METTL25B: variants seen among roughly 807,000 people sequenced by gnomAD.
METTL25B encodes the protein methyltransferase-like protein 25B.
A neutral mutation model predicts 48.4 loss-of-function variants in METTL25B; 38 were observed. That is an observed-to-expected ratio of 0.78 (90% CI 0.61 to 1.03). The LOEUF is 1.03. Ranked by LOEUF, METTL25B falls within the 50% of genes least tolerant of loss-of-function variation. The pLI is 0.00. For synonymous variants in METTL25B, 230 were observed against 254.5 expected (o/e 0.90, Z 0.92); for missense variants, 537 against 603.7 (o/e 0.89, Z 1.16).
chr1:156,728,519 C>G lies in METTL25B; in HGVS notation c.-586C>G, dbSNP rs1014450471. 5 of 985,464 alleles carry G rather than the reference C, an allele frequency of 5.1e-6. No individual in the cohort carries two copies. In the South Asian group the frequency reaches 1.9e-4, roughly 37 times the overall value. 61.0% of individuals were successfully genotyped at this position (985,464 alleles called of 1,614,324 possible). On this transcript the variant is annotated 5_prime_UTR_variant, in exon 1 of 8. Coordinates refer to ENST00000368216, the MANE Select transcript of METTL25B (RefSeq NM_015997.4). ...GGCAGGCGCGCGGGTTAGAACGCGC[C>G]AGAGGTCGGCGCGCGCACACCCGCA...
At chr1:156,736,270 G>T in intron 7 of METTL25B, 1 of 252,918 alleles carries the variant, frequency 4.0e-6, no homozygotes, top group South Asian at 7.3e-5. Context: ...TGAGGCAAAA[G>T]AATTGCTTGA....
rs1648951362 is a variant in METTL25B at position 156,728,742 on chromosome 1, C to CA, written c.-362dup. On this transcript the variant is annotated 5_prime_UTR_variant, in exon 1 of 8. The change creates a premature stop within an existing upstream ORF in the 5' untranslated region. Coordinates refer to ENST00000368216, the MANE Select transcript of METTL25B (RefSeq NM_015997.4). ...GCAGCCCGCCGGACACCTCCGGCTT[C>CA]ACTTCCGTAAGAGGAGAGGAGTGTA... 7 of 1,010,160 alleles carry CA rather than the reference C, an allele frequency of 6.9e-6. No homozygotes were observed. In the South Asian group the frequency reaches 3.0e-4, roughly 43 times the overall value. The allele number at this position is 1,010,160 out of a possible 1,614,324, so 62.6% of individuals were successfully genotyped here.
In METTL25B at chr1:156,733,503, G is replaced by A. The variant is rs767114519; in HGVS notation, c.619G>A (p.Glu207Lys). ...QELLQALEKE[E>K]KRNPQVVQTS... ...GCTTCTGCAGGCTCTGGAGAAAGAG[G>A]AGAAGAGGAACCCGCAGGTAGGCCA... Residue 207 changes from glutamate to lysine, a missense_variant, in exon 5 of 8, where the codon GAG becomes AAG. Physicochemically the swap from Glu to Lys is moderately conservative, Grantham distance 56 (BLOSUM62 1). Coordinates refer to ENST00000368216, the MANE Select transcript of METTL25B (RefSeq NM_015997.4). 6.2e-7 allele frequency: 1 copy of A among 1,613,916 alleles called. No individual in the cohort carries two copies. The highest frequency in any genetic ancestry group is 1.3e-5 in the African/African-American group (1 of 74,944).
rs548275742 is a variant in METTL25B, at chr1:156,728,683, C to G, written c.-422C>G. On this transcript the variant is annotated 5_prime_UTR_variant, in exon 1 of 8. Coordinates refer to ENST00000368216, the MANE Select transcript of METTL25B (RefSeq NM_015997.4). ...CCTCTAGCCCCGTGGTGGTACAACG[C>G]GAAGGTGTGGGAAGGCCGCGATAAA... 1.0e-6 allele frequency: 1 copy of G among 988,736 alleles called. No homozygotes were observed. The highest frequency in any genetic ancestry group is 1.1e-4 in the East Asian group (1 of 8,906). The allele number at this position is 988,736 out of a possible 1,614,324, so 61.2% of individuals were successfully genotyped here. A position where few individuals can be genotyped will look rare whatever the true frequency, so the allele number is the denominator to read the frequency against.
rs750358504 is a variant in METTL25B, at chr1:156,734,037, C to G, written c.665C>G (p.Pro222Arg). 6.2e-7 allele frequency: 1 copy of G among 1,610,650 alleles called. No individual in the cohort carries two copies. The highest frequency in any genetic ancestry group is 8.5e-7 in the Non-Finnish European group (1 of 1,177,740). The change falls in exon 6 of 8, where the codon CCA (proline) becomes CGA (arginine). Residue 222 changes from proline (P) to arginine (R), a missense_variant. Coordinates refer to ENST00000368216, the MANE Select transcript of METTL25B (RefSeq NM_015997.4). The stretch of plus-strand genomic sequence containing the variant: ...GTCCAAACCAGCCCTCGTCACTCCC[C>G]ACACCACGTGGTTAGGTGGGTAGAC... ...QVVQTSPRHS[P>R]HHVVRWVDPT...
rs149161654 is a variant in METTL25B at position 156,733,879 on chromosome 1, G to A, written c.637-130G>A. The A allele has an allele frequency of 2.2e-3, 2,842 of 1,308,310 alleles. 47 individuals are homozygous for A. The African/African-American group carries it at 0.037, about 17-fold the overall frequency. 81.0% of individuals were successfully genotyped at this position (1,308,310 alleles called of 1,614,324 possible). On this transcript the variant is annotated intron_variant, in intron 5 of 7. Transcript: ENST00000368216. ...CCTGACTTGTGGTCCAGCCCCTCCC[G>A]CACCCACCTTATCTCCCACATTCCT...
Position 156,732,029 on chromosome 1 carries a change from C to T in METTL25B, c.150C>T (p.Cys50=), listed in dbSNP as rs1398349182. The change falls in exon 2 of 8, where the codon TGC becomes TGT. Residue 50 remains cysteine (C), a synonymous_variant. Transcript: ENST00000368216. Reference sequence around the variant, plus strand: ...ACAACCTATGGGACACACTCCCTTGCTCATGGCAGGAAGCATTGGATGGAC... The same window carrying T: ...ACAACCTATGGGACACACTCCCTTGTTCATGGCAGGAAGCATTGGATGGAC... ...FTDNLWDTLP[C]SWQEALDGLK... 1 of 1,614,198 alleles carries T rather than the reference C, an allele frequency of 6.2e-7. No homozygotes were observed. Among genetic ancestry groups the T allele is most frequent in the East Asian group, 2.2e-5 (1 of 44,892 alleles).
Position 156,732,001 on chromosome 1 carries a change from C to A in METTL25B, c.122C>A (p.Thr41Lys), listed in dbSNP as rs200347859. ...ILDAYIIEFF[T>K]DNLWDTLPCS... ...CCCCTTCTTCTGTAGGAATTTTTCACAGACAACCTATGGGACACACTCCCT... is the reference window on the plus strand; with the variant it reads ...CCCCTTCTTCTGTAGGAATTTTTCAAAGACAACCTATGGGACACACTCCCT... Residue 41 changes from threonine (T) to lysine (K), a missense_variant, in exon 2 of 8, where the codon ACA becomes AAA. By Grantham distance (78) the Thr-to-Lys change is moderately conservative (BLOSUM62 -1). Transcript: ENST00000368216. 12 of 1,614,138 alleles carry A rather than the reference C, an allele frequency of 7.4e-6. No individual in the cohort carries two copies. Among genetic ancestry groups the A allele is most frequent in the Non-Finnish European group, 1.0e-5 (12 of 1,179,998 alleles).
chr1:156,736,833 G>GA lies in METTL25B; in HGVS notation c.*83dup. ...AGTGGCAGAGTACATCTCATCCAGAGAAACAGCATCCTGCATCCTCCAGAG... is the reference window on the plus strand; with the variant it reads ...AGTGGCAGAGTACATCTCATCCAGAGAAAACAGCATCCTGCATCCTCCAGAG... On this transcript the variant is annotated 3_prime_UTR_variant, in exon 8 of 8. Transcript: ENST00000368216. 1 of 1,416,322 alleles carries GA rather than the reference G, an allele frequency of 7.1e-7. No homozygotes were observed. The highest frequency in any genetic ancestry group is 9.6e-7 in the Non-Finnish European group (1 of 1,042,756). The allele number at this position is 1,416,322 out of a possible 1,614,324, so 87.7% of individuals were successfully genotyped here. A position where few individuals can be genotyped will look rare whatever the true frequency, so the allele number is the denominator to read the frequency against.
In METTL25B at chr1:156,733,989, G is replaced by C. The variant is rs774868195; in HGVS notation, c.637-20G>C. Reference sequence around the variant, plus strand: ...GCAAACAGACTTCCCATCTGCCTTTGTCCTTTCCTGCTTCCACAGGTGGTC... The same window carrying C: ...GCAAACAGACTTCCCATCTGCCTTTCTCCTTTCCTGCTTCCACAGGTGGTC... On this transcript the variant is annotated intron_variant, in intron 5 of 7. Transcript: ENST00000368216. The C allele has an allele frequency of 1.3e-6, 2 of 1,576,534 alleles. No individual in the cohort carries two copies. Among genetic ancestry groups the C allele is most frequent in the Admixed American group, 3.5e-5 (2 of 56,852 alleles).
chr1:156,731,975 TC>T lies in METTL25B; in HGVS notation c.112-12del. 6.2e-7 allele frequency: 1 copy of T among 1,613,896 alleles called. No individual in the cohort carries two copies. Among genetic ancestry groups the T allele is most frequent in the Non-Finnish European group, 8.5e-7 (1 of 1,179,872 alleles). ...GTGGTAGTAGCTTGCTGATGGCTTCTCCCCTTCTTCTGTAGGAATTTTTCAC... is the reference window on the plus strand; with the variant it reads ...GTGGTAGTAGCTTGCTGATGGCTTCTCCCTTCTTCTGTAGGAATTTTTCAC... On this transcript the variant is annotated splice_polypyrimidine_tract_variant and intron_variant, in intron 1 of 7. Coordinates refer to ENST00000368216, the MANE Select transcript of METTL25B (RefSeq NM_015997.4).
In METTL25B at chr1:156,734,300, C is replaced by A. The variant is rs868564477; in HGVS notation, c.928C>A (p.Leu310Met). The A allele has an allele frequency of 1.2e-6, 2 of 1,614,158 alleles. No homozygotes were observed. Among genetic ancestry groups the A allele is most frequent in the African/African-American group, 2.7e-5 (2 of 75,054 alleles). ...GGTGGCTGGGCTGCCTGGCTATGAA[C>A]TGCCCTACCGGCTTCGGGAGGGGGC... is the stretch of plus-strand genomic sequence containing the variant. ...QWVAGLPGYE[L>M]PYRLREGACH... Residue 310 changes from leucine (L) to methionine (M), a missense_variant, in exon 6 of 8, where the codon CTG becomes ATG. Coordinates refer to ENST00000368216, the MANE Select transcript of METTL25B (RefSeq NM_015997.4).
intron 6 of METTL25B, among the ~76,000 whole-genome samples, chr1:156,735,182 C>T (rs187710998): frequency 6.6e-6 from 1 of 151,310 alleles, no homozygotes; most frequent in East Asian, 2.0e-4. Flanking sequence ...CCAGCTACTC[C>T]GGAGGCTGAG....
intron 4 of METTL25B, 143 bp from the exon 5 acceptor site, chr1:156,733,234 C>T: frequency 2.8e-6 from 3 of 1,061,016 alleles, no homozygotes; most frequent in Non-Finnish European, 4.1e-6. Context: ...CCAACTTAAG[C>T]CACACTGATG....
chr1:156,731,238 C>G lies in METTL25B; in HGVS notation c.112-753C>G, dbSNP rs1237346243. 2.0e-5 allele frequency among the ~76,000 whole-genome samples: 3 copies of G among 152,220 alleles called. No individual in the cohort carries two copies. The East Asian group carries it at 5.8e-4, about 29-fold the overall frequency. On this transcript the variant is annotated intron_variant, in intron 1 of 7. Transcript: ENST00000368216. ...TCCAGGGTTCCAGTGATTCTCCTGC[C>G]TCAGCCTACTGGGTAGCTGGGATTA... is the stretch of plus-strand genomic sequence containing the variant.
Position 156,735,738 on chromosome 1 carries a change from G to A in METTL25B, c.1135G>A (p.Gly379Arg). 8 of 1,609,840 alleles carry A rather than the reference G, an allele frequency of 5.0e-6. No individual in the cohort carries two copies. Among genetic ancestry groups the A allele is most frequent in the Non-Finnish European group, 5.9e-6 (7 of 1,178,678 alleles). ...ELKIEEYVQRGLQRVGLDPQL... is the reference protein window; with the variant it reads ...ELKIEEYVQRRLQRVGLDPQL... ...CTGATCCCACAGATATGTGCAGCGG[G>A]GGCTACAGCGAGTGGGGCTAGATCC... The change falls in exon 7 of 8, where the codon GGG becomes AGG. Residue 379 changes from glycine (G) to arginine (R), a missense_variant. Gly to Arg is a moderately radical substitution (Grantham distance 125, BLOSUM62 -2). Transcript: ENST00000368216.
In METTL25B at chr1:156,736,784, C is replaced by T. The variant is rs1206442277; in HGVS notation, c.*31C>T. On this transcript the variant is annotated 3_prime_UTR_variant, in exon 8 of 8. Coordinates refer to ENST00000368216, the MANE Select transcript of METTL25B (RefSeq NM_015997.4). ...CCTGAGGAAACATCTCAGACCCCAT[C>T]ATCTGAAAGTGCCCAGAGAGCACAG... 2 of 1,599,652 alleles carry T rather than the reference C, an allele frequency of 1.3e-6. No individual in the cohort carries two copies. Among genetic ancestry groups the T allele is most frequent in the African/African-American group, 2.7e-5 (2 of 74,774 alleles).
At chr1:156,734,524 G>A (rs1649572564) in intron 6 of METTL25B, 31 bp downstream of exon 6, 1 of 1,497,012 alleles carries the variant, frequency 6.7e-7, no homozygotes, top group Admixed American at 2.6e-5. Context: ...GGGGGCAGTG[G>A]AGAGGAGATT....
intron 3 of METTL25B, 46 bp downstream of exon 3, chr1:156,732,519 C>G (rs762455871): frequency 2.5e-6 from 4 of 1,580,788 alleles, no homozygotes. Context: ...AGCCCAGGGA[C>G]TCCTTAAGCC....
Sources: allele counts gnomAD v4.1 joint callset (sites outside exome capture counted in the v4.1 genomes callset), GRCh38; gene constraint gnomAD v4.1.1; transcripts MANE v1.5; gene names NCBI Gene and HGNC (gene_info 2026-07-23, HGNC 2026-07-21).